The following PPP1R3F variants were observed in gnomAD, a reference collection of about 807,000 sequenced individuals.
The protein encoded by PPP1R3F is protein phosphatase 1 regulatory subunit 3F.
PPP1R3F carries 29 observed loss-of-function variants against 24.2 expected under a neutral mutation model. The observed-to-expected ratio is 1.20, with a 90% CI of 0.89 to 1.63. The LOEUF is 1.63. Ranked by LOEUF, PPP1R3F falls within the 40% of genes most tolerant of loss-of-function variation. The pLI is 0.00. For synonymous variants in PPP1R3F, 363 were observed against 340.1 expected (o/e 1.07, Z -0.74); for missense variants, 823 against 729.3 (o/e 1.13, Z -1.48).
downstream of PPP1R3F, among the ~76,000 whole-genome samples, chrX:49,291,983 C>T (rs1467596038): frequency 3.9e-5 from 4 of 103,286 alleles, no homozygotes; most frequent in Non-Finnish European, 6.1e-5. Context: ...CTGACTAAAG[C>T]GTCTGGTCCC....
downstream of PPP1R3F, among the ~76,000 whole-genome samples, chrX:49,289,941 C>A (rs782007467): frequency 9.0e-6 from 1 of 110,624 alleles, no homozygotes; most frequent in Non-Finnish European, 1.9e-5. Context: ...TGGTGGTGGG[C>A]GCCTGTAATC....
At chrX:49,281,200 C>T in intron 1 of PPP1R3F, 1 of 308,933 alleles carries the variant, frequency 3.2e-6, no homozygotes, top group Non-Finnish European at 5.6e-6. Context: ...TTTCTTGCTT[C>T]TTTAGACTTT....
In PPP1R3F at chrX:49,287,180, A is replaced by G. The variant is rs1602716883; in HGVS notation, c.*90A>G. 5 of 960,593 alleles carry G rather than the reference A, an allele frequency of 5.2e-6. No individual in the cohort carries two copies. In the East Asian group the frequency reaches 1.6e-4, roughly 31 times the overall value. 79.2% of individuals were successfully genotyped at this position (960,593 alleles called of 1,213,427 possible). On this transcript the variant is annotated 3_prime_UTR_variant, in exon 4 of 4. Transcript: ENST00000055335. ...GGGTCCTTTGCTTCTGAGAATGCTC[A>G]ACTGAAAGAGAGGCCTTCTCATCCC...
chrX:49,296,314 T>C (rs1183016541), intron 3 of PPP1R3F, among the ~76,000 whole-genome samples: 4 of 112,308 alleles, frequency 3.6e-5, no homozygotes, highest in Non-Finnish European at 7.5e-5. Flanking sequence ...TAGAGGTATG[T>C]ATAGTATTCT....
chrX:49,285,911 A>T lies in PPP1R3F; in HGVS notation c.1221A>T (p.Thr407=). 1 of 1,207,403 alleles carries T rather than the reference A, an allele frequency of 8.3e-7. No homozygotes were observed. The highest frequency in any genetic ancestry group is 1.1e-6 in the Non-Finnish European group (1 of 892,901). The change falls in exon 4 of 4, where the codon ACA becomes ACT. Residue 407 remains threonine (T), a synonymous_variant. Coordinates refer to ENST00000055335, the MANE Select transcript of PPP1R3F (RefSeq NM_033215.5). ...GAAGCAGTCCACCTGTGGCTTTTAC[A>T]GAGGTCCTCCAGGCACCGGCCATCA... ...VPRSSPPVAF[T]EVLQAPAIRI...
chrX:49,270,606 A>C lies in PPP1R3F; in HGVS notation c.737A>C (p.Gln246Pro). The change falls in exon 1 of 4, where the codon CAG becomes CCG. Residue 246 changes from glutamine to proline, a missense_variant. Coordinates refer to ENST00000055335, the MANE Select transcript of PPP1R3F (RefSeq NM_033215.5). The part of the protein sequence containing the change: ...DGGRTDRFAF[Q>P]LPFAEGAGDG... ...GGCCGCACCGACCGCTTTGCCTTCC[A>C]GCTGCCCTTTGCTGAGGGCGCGGGC... 1 of 1,205,694 alleles carries C rather than the reference A, an allele frequency of 8.3e-7. No homozygotes were observed. The highest frequency in any genetic ancestry group is 1.1e-6 in the Non-Finnish European group (1 of 894,524).
At chrX:49,293,322 T>C (rs1187913072) in intron 3 of PPP1R3F, among the ~76,000 whole-genome samples, 1 of 112,475 alleles carries the variant, frequency 8.9e-6, no homozygotes, top group Non-Finnish European at 1.9e-5. Flanking sequence ...ATTATTATAC[T>C]CCTATTGGAT....
chrX:49,286,686 C>T lies in PPP1R3F; in HGVS notation c.1996C>T (p.Leu666=). Residue 666 remains leucine (L), a synonymous_variant, in exon 4 of 4, where the codon CTG becomes TTG. Transcript: ENST00000055335. The part of the protein sequence containing the change: ...NRVIAGVTES[L]GEAGTEAQIE... ...GGTGATAGCTGGGGTGACTGAGTCCCTGGGGGAGGCCGGGACAGAAGCCCA... is the reference window on the plus strand; with the variant it reads ...GGTGATAGCTGGGGTGACTGAGTCCTTGGGGGAGGCCGGGACAGAAGCCCA... 1 of 1,209,914 alleles carries T rather than the reference C, an allele frequency of 8.3e-7. No homozygotes were observed. The highest frequency in any genetic ancestry group is 3.0e-5 in the East Asian group (1 of 33,783).
chrX:49,270,384 A>G lies in PPP1R3F; in HGVS notation c.515A>G (p.Asn172Ser). 2 of 1,162,583 alleles carry G rather than the reference A, an allele frequency of 1.7e-6. No individual in the cohort carries two copies. Among genetic ancestry groups the G allele is most frequent in the East Asian group, 3.2e-5 (1 of 31,268 alleles). The change falls in exon 1 of 4, where the codon AAC becomes AGC. Residue 172 changes from asparagine to serine, a missense_variant. Transcript: ENST00000055335. ...PVLRGLVRVL[N>S]RSFEKAVHVR... The stretch of plus-strand genomic sequence containing the variant: ...CTGCGCGGGTTGGTACGCGTGCTGA[A>G]CCGCTCCTTCGAGAAGGCGGTGCAC...
intron 3 of PPP1R3F, among the ~76,000 whole-genome samples, chrX:49,285,609 G>T (rs951423907): frequency 8.9e-6 from 1 of 111,907 alleles, no homozygotes; most frequent in Non-Finnish European, 1.9e-5. Flanking sequence ...TTTATAATCT[G>T]CAAGAAGCCC....
At chrX:49,297,927 G>C (rs1239585716) in intron 3 of PPP1R3F, among the ~76,000 whole-genome samples, 4 of 96,876 alleles carry the variant, frequency 4.1e-5, no homozygotes, top group Non-Finnish European at 8.0e-5. Flanking sequence ...CATGTGAGAT[G>C]GCTCTCCTGA....
rs1459753521 is a variant in PPP1R3F, at chrX:49,270,643, C to T, written c.774C>T (p.Arg258=). ...PFAEGAGDGA[R]LDFVVRYETP... is the part of the protein sequence containing the mutation. ...CTGAGGGCGCGGGCGATGGGGCGCG[C>T]CTCGACTTCGTGGTGCGCTATGAGA... Residue 258 remains arginine, a synonymous_variant, in exon 1 of 4, where the codon CGC becomes CGT. Transcript: ENST00000055335. 1.7e-6 allele frequency: 2 copies of T among 1,207,158 alleles called. No homozygotes were observed. Among genetic ancestry groups the T allele is most frequent in the African/African-American group, 3.5e-5 (2 of 57,576 alleles).
chrX:49,281,121 C>T (rs1287238984), intron 1 of PPP1R3F: 4 of 261,617 alleles, frequency 1.5e-5, no homozygotes, highest in East Asian at 6.1e-5. Context: ...TAAATGATTT[C>T]GTAGAATATC....
intron 3 of PPP1R3F, chrX:49,301,261 C>A (rs2066336440): frequency 4.8e-6 from 2 of 412,412 alleles, no homozygotes; most frequent in South Asian, 2.6e-5. Context: ...TTTAATAAAA[C>A]CCAAACTGTA....
intron 3 of PPP1R3F, among the ~76,000 whole-genome samples, chrX:49,282,773 C>T (rs186996902): frequency 1.3e-3 from 137 of 109,447 alleles, no homozygotes; most frequent in African/African-American, 4.5e-3. Flanking sequence ...GGTGGTGCCT[C>T]ACAGGCCATG....
intron 1 of PPP1R3F, among the ~76,000 whole-genome samples, chrX:49,277,762 T>C (rs1277880862): frequency 8.9e-6 from 1 of 112,461 alleles, no homozygotes; most frequent in Non-Finnish European, 1.9e-5. Context: ...CTGGAGTGTT[T>C]GTTACCAGCG....
chrX:49,300,069 T>C (rs1811165904), intron 3 of PPP1R3F, among the ~76,000 whole-genome samples: 1 of 111,588 alleles, frequency 9.0e-6, no homozygotes, highest in African/African-American at 3.3e-5. Flanking sequence ...GAAAAACAAC[T>C]CCTGCAGCAA....
In PPP1R3F at chrX:49,287,321, AC is replaced by A. The variant is rs2066293659; in HGVS notation, c.*237del. ...GTGGAACTGGGCATGTCCTCCGCCTACCCCCCGAGCCTGTATTTATTTTTGT... is the reference window on the plus strand; with the variant it reads ...GTGGAACTGGGCATGTCCTCCGCCTACCCCCGAGCCTGTATTTATTTTTGT... On this transcript the variant is annotated 3_prime_UTR_variant, in exon 4 of 4. Coordinates refer to ENST00000055335, the MANE Select transcript of PPP1R3F (RefSeq NM_033215.5). 2 of 372,298 alleles carry A rather than the reference AC, an allele frequency of 5.4e-6. No homozygotes were observed. Among genetic ancestry groups the A allele is most frequent in the Non-Finnish European group, 9.2e-6 (2 of 217,818 alleles). The allele number at this position is 372,298 out of a possible 1,213,427, so 30.7% of individuals were successfully genotyped here.
rs927903736 is a variant in PPP1R3F at position 49,276,945 on chromosome X, T to C, written c.1005-4461T>C. ...TCATCCCCCCGGAAAGTCAGCGTTA[T>C]CTTCAGGTTGACTACATGGGAGCCG... is the stretch of plus-strand genomic sequence containing the variant. On this transcript the variant is annotated intron_variant, in intron 1 of 3. Coordinates refer to ENST00000055335, the MANE Select transcript of PPP1R3F (RefSeq NM_033215.5). 2.7e-5 allele frequency among the ~76,000 whole-genome samples: 3 copies of C among 112,548 alleles called. No individual in the cohort carries two copies. The East Asian group carries it at 8.4e-4, about 31-fold the overall frequency.
Sources: gnomAD v4.1 joint callset for allele counts (sites outside exome capture counted in the v4.1 genomes callset) on GRCh38, gnomAD v4.1.1 for gene constraint, MANE v1.5 for transcripts, NCBI Gene and HGNC (gene_info 2026-07-23, HGNC 2026-07-21) for gene names.